The following MACIR variants were observed in gnomAD, a reference collection of about 807,000 sequenced individuals.
MACIR encodes macrophage immunometabolism regulator, also known as UNC119-binding protein C5orf30.
A neutral mutation model predicts 14.3 loss-of-function variants in MACIR; 4 were observed. The observed-to-expected ratio is 0.28, with a 90% confidence interval of 0.14 to 0.64. The LOEUF is 0.64. Ranked by LOEUF, MACIR falls within the 30% of genes least tolerant of loss-of-function variation. The probability of loss-of-function intolerance (pLI) is 0.83; values close to 1 mark genes in which losing one functional copy is unlikely to be tolerated. For synonymous variants in MACIR, 101 were observed against 102.4 expected (o/e 0.99, Z 0.08); for missense variants, 228 against 257.6 (o/e 0.89, Z 0.79).
Position 103,276,612 on chromosome 5 carries a change from T to C in MACIR, c.*72T>C. 7.4e-7 allele frequency: 1 copy of C among 1,344,920 alleles called. No individual in the cohort carries two copies. The highest frequency in any genetic ancestry group is 1.0e-6 in the Non-Finnish European group (1 of 980,188). The allele number at this position is 1,344,920 out of a possible 1,614,324, so 83.3% of individuals were successfully genotyped here. A position where few individuals can be genotyped will look rare whatever the true frequency, so the allele number is the denominator to read the frequency against. On this transcript the variant is annotated 3_prime_UTR_variant, in exon 3 of 3. Coordinates refer to ENST00000319933, the MANE Select transcript of MACIR (RefSeq NM_033211.4). ...CTAGAAAAAACCCACTGCTGTACTC[T>C]GTACATGACTCTTCACACTATAGAT...
chr5:103,275,003 AACT>A (rs1805268536), intron 2 of MACIR, among the ~76,000 whole-genome samples: 1 of 152,166 alleles, frequency 6.6e-6, no homozygotes, highest in Non-Finnish European at 1.5e-5. Context: ...GAGATTTCCA[AACT>A]ATGTAATGTA....
At chr5:103,260,004 A>T (rs1804617067) in intron 1 of MACIR, among the ~76,000 whole-genome samples, 2 of 151,098 alleles carry the variant, frequency 1.3e-5, no homozygotes, top group Middle Eastern at 3.4e-3. Flanking sequence ...CTTCCACCTC[A>T]GTTTTCAACC....
rs781879436 is a variant in MACIR, at chr5:103,276,092, C to G, written c.173C>G (p.Ser58Cys). 2 of 1,614,088 alleles carry G rather than the reference C, an allele frequency of 1.2e-6. No homozygotes were observed. The highest frequency in any genetic ancestry group is 2.2e-5 in the East Asian group (1 of 44,878). ...GGCTACCAGATCCTACACATGGACT[C>G]TAACTATTTGGTTGGCTTCACGACT... ...VSGYQILHMD[S>C]NYLVGFTTGE... Residue 58 changes from serine (S) to cysteine (C), a missense_variant, in exon 3 of 3, where the codon TCT becomes TGT. Coordinates refer to ENST00000319933, the MANE Select transcript of MACIR (RefSeq NM_033211.4).
At chr5:103,273,787 G>T (rs1805221902) in intron 2 of MACIR, among the ~76,000 whole-genome samples, 1 of 152,220 alleles carries the variant, frequency 6.6e-6, no homozygotes, top group Non-Finnish European at 1.5e-5. Context: ...TTTGGAATGT[G>T]TGGGGTCTGA....
intron 1 of MACIR, among the ~76,000 whole-genome samples, chr5:103,261,686 C>CTTTCTTTCT (rs1804718982): frequency 8.2e-6 from 1 of 121,926 alleles, no homozygotes; most frequent in East Asian, 2.3e-4. Flanking sequence ...TTCTTTCTTT[C>CTTTCTTTCT]TTTCTTTCTT....
At chr5:103,263,199 ACCT>A (rs1192451453) in intron 1 of MACIR, among the ~76,000 whole-genome samples, 347 of 141,382 alleles carry the variant, frequency 2.5e-3, no homozygotes, top group African/African-American at 6.3e-3. Context: ...TTCACCATAT[ACCT>A]CCTCCTCCTC....
At chr5:103,265,399 CATCT>C (rs1554236666) in intron 1 of MACIR, among the ~76,000 whole-genome samples, 1 of 152,122 alleles carries the variant, frequency 6.6e-6, no homozygotes, top group African/African-American at 2.4e-5. Context: ...TCATTTGATC[CATCT>C]AACAACTGTA....
intron 1 of MACIR, among the ~76,000 whole-genome samples, chr5:103,259,991 C>T (rs567523275): frequency 6.6e-6 from 1 of 152,042 alleles, no homozygotes; most frequent in East Asian, 1.9e-4. Context: ...CTCCCTGCCT[C>T]TCCTTCCACC....
rs979155238 is a variant in MACIR, at chr5:103,276,828, T to A, written c.*288T>A. The A allele has an allele frequency of 2.1e-4, 54 of 253,878 alleles. No individual in the cohort carries two copies. Among genetic ancestry groups the A allele is most frequent in the Non-Finnish European group, 5.6e-5 (7 of 124,368 alleles). 15.7% of individuals were successfully genotyped at this position (253,878 alleles called of 1,614,324 possible). A position where few individuals can be genotyped will look rare whatever the true frequency, so the allele number is the denominator to read the frequency against. ...AAAAGGCTTTGGTACAGTAATTTCA[T>A]CTTTATGATTCTGACACTCAAATTG... is the stretch of plus-strand genomic sequence containing the variant. On this transcript the variant is annotated 3_prime_UTR_variant, in exon 3 of 3. Coordinates refer to ENST00000319933, the MANE Select transcript of MACIR (RefSeq NM_033211.4).
rs921720719 is a variant in MACIR, at chr5:103,274,799, A to G, written c.-23-1098A>G. On this transcript the variant is annotated intron_variant, in intron 2 of 2. Coordinates refer to ENST00000319933, the MANE Select transcript of MACIR (RefSeq NM_033211.4). Reference sequence around the variant, plus strand: ...TTTTAAGTAAATTTTTCATCTTAAAATCAGTTGATGTCATTTTGATTAGCA... The same window carrying G: ...TTTTAAGTAAATTTTTCATCTTAAAGTCAGTTGATGTCATTTTGATTAGCA... Among the ~76,000 whole-genome samples the G allele has an allele frequency of 3.3e-5, 5 of 152,210 alleles. No homozygotes were observed. In the East Asian group the frequency reaches 7.7e-4, roughly 23 times the overall value.
rs1368427942 is a variant in MACIR, at chr5:103,277,653, A to G, written c.*1113A>G. ...CTGGATTACTTAACAATTTATGTCAATTGCACTGGTTTAATTTGTTGCTAA... is the reference window on the plus strand; with the variant it reads ...CTGGATTACTTAACAATTTATGTCAGTTGCACTGGTTTAATTTGTTGCTAA... On this transcript the variant is annotated 3_prime_UTR_variant, in exon 3 of 3. Transcript: ENST00000319933. The G allele has an allele frequency of 6.0e-6, 1 of 167,010 alleles. No individual in the cohort carries two copies. The highest frequency in any genetic ancestry group is 1.5e-5 in the Non-Finnish European group (1 of 68,102). 10.3% of individuals were successfully genotyped at this position (167,010 alleles called of 1,614,324 possible).
At chr5:103,260,210 G>A (rs1227391269) in intron 1 of MACIR, among the ~76,000 whole-genome samples, 1 of 150,476 alleles carries the variant, frequency 6.6e-6, no homozygotes, top group African/African-American at 2.5e-5. Flanking sequence ...GATGTTACTA[G>A]ACTCATTTTC....
intron 1 of MACIR, chr5:103,259,695 C>T (rs1366066487): frequency 6.6e-6 from 1 of 152,390 alleles, no homozygotes; most frequent in Admixed American, 6.5e-5. Flanking sequence ...CGTGTGTGCG[C>T]GTGTGGATTG....
At chr5:103,263,201 C>T (rs1258350110) in intron 1 of MACIR, among the ~76,000 whole-genome samples, 2 of 143,926 alleles carry the variant, frequency 1.4e-5, no homozygotes, top group Admixed American at 6.8e-5. Context: ...CACCATATAC[C>T]TCCTCCTCCT....
intron 1 of MACIR, among the ~76,000 whole-genome samples, chr5:103,263,548 T>C (rs972087216): frequency 2.4e-4 from 36 of 152,320 alleles, no homozygotes; most frequent in Admixed American, 5.2e-4. Context: ...TTTCTTTTGA[T>C]GTTGAAAAAG....
intron 1 of MACIR, among the ~76,000 whole-genome samples, chr5:103,264,389 T>C (rs1804848135): frequency 6.6e-6 from 1 of 152,142 alleles, no homozygotes; most frequent in Non-Finnish European, 1.5e-5. Flanking sequence ...AGGAAGATGC[T>C]AAAGAAATGT....
At chr5:103,263,182 C>T (rs782061874) in intron 1 of MACIR, among the ~76,000 whole-genome samples, 6 of 151,496 alleles carry the variant, frequency 4.0e-5, no homozygotes, top group Non-Finnish European at 7.4e-5. Context: ...TTTATTTTTC[C>T]CTCTTTTTCA....
intron 1 of MACIR, among the ~76,000 whole-genome samples, chr5:103,260,692 G>C (rs1269449975): frequency 6.6e-6 from 1 of 152,064 alleles, no homozygotes. Context: ...GTATATTTCT[G>C]TGTATTTTAG....
chr5:103,261,406 G>T (rs1554236241), intron 1 of MACIR, among the ~76,000 whole-genome samples: 3 of 152,146 alleles, frequency 2.0e-5, no homozygotes, highest in Admixed American at 6.5e-5. Flanking sequence ...TCATTGTTGT[G>T]TTGTACTTTG....
Sources: gnomAD v4.1 joint callset for allele counts (sites outside exome capture counted in the v4.1 genomes callset) on GRCh38, gnomAD v4.1.1 for gene constraint, MANE v1.5 for transcripts, NCBI Gene and HGNC (gene_info 2026-07-23, HGNC 2026-07-21) for gene names.